The following NDUFS4 variants were observed in gnomAD, a reference collection of about 807,000 sequenced individuals.
NDUFS4 encodes the protein NADH:ubiquinone oxidoreductase subunit S4.
NDUFS4 carries 28 observed loss-of-function variants against 24.3 expected under a neutral mutation model. That is an observed-to-expected ratio of 1.15 (90% CI 0.85 to 1.58). The LOEUF is 1.58. Among genes scored for constraint, NDUFS4 ranks in the 40% most tolerant of loss-of-function variants. NDUFS4 has a pLI of 0.00. For synonymous variants in NDUFS4, 93 were observed against 69.7 expected (o/e 1.34, Z -1.67); for missense variants, 223 against 207.9 (o/e 1.07, Z -0.45).
rs1296720857 is a variant in NDUFS4, at chr5:53,646,294, T to G, written c.239T>G (p.Phe80Cys). 1 of 1,613,338 alleles carries G rather than the reference T, an allele frequency of 6.2e-7. No individual in the cohort carries two copies. The highest frequency in any genetic ancestry group is 1.3e-5 in the African/African-American group (1 of 74,894). ...EHIKTRKVRIFVPARNNMQSG... is the reference protein window; with the variant it reads ...EHIKTRKVRICVPARNNMQSG... ...ATAAAAACTAGAAAAGTCAGGATCTTTGTTCCTGCTCGCAATAACATGCAG... is the reference window on the plus strand; with the variant it reads ...ATAAAAACTAGAAAAGTCAGGATCTGTGTTCCTGCTCGCAATAACATGCAG... The change falls in exon 3 of 5, where the codon TTT becomes TGT. Residue 80 changes from phenylalanine to cysteine, a missense_variant. Coordinates refer to ENST00000296684, the MANE Select transcript of NDUFS4 (RefSeq NM_002495.4).
chr5:53,611,345 A>G (rs564594002), intron 2 of NDUFS4, among the ~76,000 whole-genome samples: 25 of 152,124 alleles, frequency 1.6e-4, no homozygotes, highest in Middle Eastern at 3.4e-3. Flanking sequence ...AACTATATAC[A>G]ATGTTAACAT....
At chr5:53,583,129 G>A (rs888895391) in intron 1 of NDUFS4, among the ~76,000 whole-genome samples, 1 of 151,970 alleles carries the variant, frequency 6.6e-6, no homozygotes, top group Admixed American at 6.6e-5. Flanking sequence ...CGCCCGCCTC[G>A]GCCTCCCAAA....
chr5:53,598,103 C>G (rs1004744858), intron 1 of NDUFS4, among the ~76,000 whole-genome samples: 10 of 152,176 alleles, frequency 6.6e-5, no homozygotes, highest in Non-Finnish European at 1.5e-4. Context: ...ACTGACCACA[C>G]CAAATGCTGG....
intron 2 of NDUFS4, among the ~76,000 whole-genome samples, chr5:53,610,998 G>A (rs907842540): frequency 2.0e-5 from 3 of 151,958 alleles, no homozygotes; most frequent in Non-Finnish European, 4.4e-5. Flanking sequence ...TTATCAAGTC[G>A]TGTTTCTTTT....
intron 2 of NDUFS4, among the ~76,000 whole-genome samples, chr5:53,623,434 A>G (rs546503194): frequency 2.5e-4 from 38 of 152,178 alleles, no homozygotes; most frequent in African/African-American, 8.4e-4. Flanking sequence ...ATGTCTATTC[A>G]AGTTCTTTGT....
intron 4 of NDUFS4, among the ~76,000 whole-genome samples, chr5:53,675,157 CTTTTTT>C (rs70983372): frequency 8.7e-5 from 9 of 102,948 alleles, no homozygotes; most frequent in Admixed American, 8.4e-4. Context: ...AACAGAGTTC[CTTTTTT>C]TTTTTTTTTT....
chr5:53,584,006 G>A (rs1749660659), intron 1 of NDUFS4, among the ~76,000 whole-genome samples: 1 of 152,142 alleles, frequency 6.6e-6, no homozygotes, highest in Non-Finnish European at 1.5e-5. Context: ...GAAGTATCTG[G>A]CAGGTACAGG....
At chr5:53,623,083 A>G (rs914413250) in intron 2 of NDUFS4, among the ~76,000 whole-genome samples, 5 of 152,174 alleles carry the variant, frequency 3.3e-5, no homozygotes, top group African/African-American at 1.2e-4. Context: ...ATTAATATGG[A>G]TGTCTAAATA....
intron 3 of NDUFS4, among the ~76,000 whole-genome samples, chr5:53,656,728 CTG>C (rs1188072664): frequency 2.0e-5 from 3 of 152,126 alleles, no homozygotes; most frequent in African/African-American, 4.8e-5. Context: ...ACAGTGAAAA[CTG>C]TTTGAAATTT....
intron 2 of NDUFS4, among the ~76,000 whole-genome samples, chr5:53,606,739 T>G (rs1186793748): frequency 6.6e-6 from 1 of 152,240 alleles, no homozygotes; most frequent in Non-Finnish European, 1.5e-5. Context: ...GCATGAGAGA[T>G]CTGCCTCCAT....
chr5:53,682,033 A>G (rs1178254339), intron 4 of NDUFS4, among the ~76,000 whole-genome samples: 3 of 152,118 alleles, frequency 2.0e-5, no homozygotes, highest in Non-Finnish European at 4.4e-5. Flanking sequence ...TTTGTACATG[A>G]CTGCATGATA....
intron 4 of NDUFS4, among the ~76,000 whole-genome samples, chr5:53,679,388 A>T (rs894443171): frequency 6.6e-6 from 1 of 151,980 alleles, no homozygotes; most frequent in Admixed American, 6.6e-5. Context: ...CCACATTCCA[A>T]TCTCTGTCAT....
intron 3 of NDUFS4, among the ~76,000 whole-genome samples, chr5:53,649,166 G>T (rs1458656151): frequency 2.0e-5 from 3 of 152,072 alleles, no homozygotes; most frequent in Non-Finnish European, 2.9e-5. Flanking sequence ...TGGAAATTTT[G>T]CCCTTTAGTC....
At chr5:53,639,807 TA>T (rs1751659720) in intron 2 of NDUFS4, among the ~76,000 whole-genome samples, 1 of 152,194 alleles carries the variant, frequency 6.6e-6, no homozygotes, top group African/African-American at 2.4e-5. Context: ...TTTCTTTTGA[TA>T]ACAGTTACCT....
chr5:53,637,908 G>T, intron 2 of NDUFS4, among the ~76,000 whole-genome samples: 1 of 152,048 alleles, frequency 6.6e-6, no homozygotes. Flanking sequence ...TTAGACTATT[G>T]CTCACTGCAA....
chr5:53,582,484 T>G (rs1403074159), intron 1 of NDUFS4, among the ~76,000 whole-genome samples: 1 of 152,174 alleles, frequency 6.6e-6, no homozygotes, highest in African/African-American at 2.4e-5. Context: ...TCAGCTCACA[T>G]GTACATCCTT....
chr5:53,674,492 CAATGGA>C (rs1419115005), intron 4 of NDUFS4, among the ~76,000 whole-genome samples: 2 of 152,118 alleles, frequency 1.3e-5, no homozygotes, highest in African/African-American at 4.8e-5. Flanking sequence ...CTATCATTAT[CAATGGA>C]TTAGTATTCT....
intron 2 of NDUFS4, among the ~76,000 whole-genome samples, chr5:53,621,870 T>C (rs1751048138): frequency 6.6e-6 from 1 of 151,552 alleles, no homozygotes; most frequent in Non-Finnish European, 1.5e-5. Flanking sequence ...CCCGGCTAAT[T>C]TTTGTATTTT....
chr5:53,616,294 A>C (rs1382747317), intron 2 of NDUFS4, among the ~76,000 whole-genome samples: 2 of 151,826 alleles, frequency 1.3e-5, no homozygotes, highest in African/African-American at 4.8e-5. Context: ...CTTAGAGCTT[A>C]TATTCTCATG....
Sources: gnomAD v4.1 joint callset for allele counts (sites outside exome capture counted in the v4.1 genomes callset) on GRCh38, gnomAD v4.1.1 for gene constraint, MANE v1.5 for transcripts, NCBI Gene and HGNC (gene_info 2026-07-23, HGNC 2026-07-21) for gene names.